Variants in MYO1G observed in about 807,000 individuals in gnomAD.
The protein encoded by MYO1G is myosin IG.
A neutral mutation model predicts 115.3 loss-of-function variants in MYO1G; 65 were observed. That is an observed-to-expected ratio of 0.56 (90% CI 0.46 to 0.69). The LOEUF (loss-of-function observed/expected upper bound fraction) is 0.69. Among genes scored for constraint, MYO1G ranks in the 30% least tolerant of loss-of-function variants. The pLI is 0.00. For synonymous variants in MYO1G, 510 were observed against 552.6 expected (o/e 0.92, Z 1.08); for missense variants, 1,204 against 1,393.5 (o/e 0.86, Z 2.16).
chr7:44,975,403 G>A (rs1454484310), intron 4 of MYO1G, 81 bp downstream of exon 4: 18 of 1,553,384 alleles, frequency 1.2e-5, no homozygotes, highest in African/African-American at 6.8e-5. Context: ...AAGCTGCACC[G>A]TCGGGATGGG....
chr7:44,978,393 C>T (rs1795119619), intron 1 of MYO1G, among the ~76,000 whole-genome samples: 2 of 152,308 alleles, frequency 1.3e-5, no homozygotes, highest in South Asian at 2.1e-4. Flanking sequence ...TGGAGCCTGA[C>T]TGCTTCATCT....
At position 44,966,822 on chromosome 7, in the gene MYO1G, C is replaced by G. The variant is rs774674442; in HGVS notation, c.1799G>C (p.Arg600Pro). The G allele has an allele frequency of 6.2e-7, 1 of 1,609,532 alleles. No homozygotes were observed. Among genetic ancestry groups the G allele is most frequent in the Non-Finnish European group, 8.5e-7 (1 of 1,177,386 alleles). Reference protein sequence around the residue: ...NLASKEPFYVRCIKPNEDKVA... With the variant: ...NLASKEPFYVPCIKPNEDKVA... ...CTTGTCCTCATTGGGCTTGATGCAG[C>G]GGACGTAGAAGGGCTCCTGCAGGGA... The change falls in exon 15 of 22, where the codon CGC (arginine) becomes CCC (proline). Residue 600 changes from arginine (R) to proline (P), a missense_variant. Physicochemically the swap from Arg to Pro is moderately radical, Grantham distance 103. Transcript: ENST00000258787. The surrounding 1 kb of genome is among the most constrained non-coding windows in gnomAD (Gnocchi z 5.0).
rs1362598257 is a variant in MYO1G, at chr7:44,964,227, G to C, written c.2632-65C>G. 2 of 1,445,868 alleles carry C rather than the reference G, an allele frequency of 1.4e-6. No homozygotes were observed. Among genetic ancestry groups the C allele is most frequent in the Non-Finnish European group, 1.9e-6 (2 of 1,049,060 alleles). 89.6% of individuals were successfully genotyped at this position (1,445,868 alleles called of 1,614,324 possible). ...GTCACCCACCAGGGCCCCAGGCTTC[G>C]GCAGTCCCTACTGCCTCCCCTCCCC... On this transcript the variant is annotated intron_variant, in intron 19 of 21. Coordinates refer to ENST00000258787, the MANE Select transcript of MYO1G (RefSeq NM_033054.3). This position sits in a 1 kb window ranked among gnomAD's most constrained non-coding sequence, Gnocchi z 5.1.
At position 44,975,489 on chromosome 7, in the gene MYO1G, C is replaced by A; in HGVS notation, c.559G>T (p.Glu187Ter). Residue 187 changes from glutamate (E) to a stop codon, truncating the protein, a stop_gained, in exon 4 of 22, where the codon GAG becomes TAG. Coordinates refer to ENST00000258787, the MANE Select transcript of MYO1G (RefSeq NM_033054.3). LOFTEE classifies it high-confidence loss of function. ...IGGHIHSYLL[E>*]KSRVLKQHVG... Reference sequence around the variant, plus strand: ...TCCTCAGCCCACCTGCCCACCTTCTCCAGTAGGTAGCTGTGGATGTGTCCT... The same window carrying A: ...TCCTCAGCCCACCTGCCCACCTTCTACAGTAGGTAGCTGTGGATGTGTCCT... 1 of 1,608,270 alleles carries A rather than the reference C, an allele frequency of 6.2e-7. No homozygotes were observed. The highest frequency in any genetic ancestry group is 8.5e-7 in the Non-Finnish European group (1 of 1,176,162).
rs772412191 is a variant in MYO1G, at chr7:44,976,909, G to A, written c.258C>T (p.Tyr86=). The part of the protein sequence containing the change: ...PHLYAVANAA[Y]KAMKHRSRDT... ...CCCTGGACCGGTGCTTCATTGCCTT[G>A]TAGGCGGCGTTGGCCACAGCATAGA... Residue 86 remains tyrosine, a synonymous_variant, in exon 2 of 22, where the codon TAC becomes TAT. Coordinates refer to ENST00000258787, the MANE Select transcript of MYO1G (RefSeq NM_033054.3). 1.9e-5 allele frequency: 31 copies of A among 1,613,448 alleles called. No individual in the cohort carries two copies. The highest frequency in any genetic ancestry group is 2.5e-6 in the Non-Finnish European group (3 of 1,180,046).
chr7:44,971,646 C>T (rs1337717086), intron 7 of MYO1G, 27 bp downstream of exon 7: 1 of 1,513,292 alleles, frequency 6.6e-7, no homozygotes, highest in Non-Finnish European at 9.0e-7. Context: ...GGGAAGTAGC[C>T]CTCCCAGGCT....
chr7:44,962,754 G>C lies in MYO1G; in HGVS notation c.3042C>G (p.Leu1014=), dbSNP rs752086664. The C allele has an allele frequency of 2.7e-6, 4 of 1,477,126 alleles. No homozygotes were observed. The highest frequency in any genetic ancestry group is 4.7e-5 in the Admixed American group (2 of 42,978). The allele number at this position is 1,477,126 out of a possible 1,614,324, so 91.5% of individuals were successfully genotyped here. Residue 1014 remains leucine (L), a synonymous_variant, in exon 22 of 22, where the codon CTC becomes CTG. Transcript: ENST00000258787. The surrounding 1 kb of genome is among the most constrained non-coding windows in gnomAD (Gnocchi z 5.3). ...FRCARGSFTL[L]WPSR ...GTGCGGGCGCTCAGCGGCTGGGCCAGAGCAGGGTGAAGGAGCCGCGAGCGC... is the reference window on the plus strand; with the variant it reads ...GTGCGGGCGCTCAGCGGCTGGGCCACAGCAGGGTGAAGGAGCCGCGAGCGC...
intron 3 of MYO1G, 55 bp from the exon 4 acceptor site, chr7:44,975,704 C>A: frequency 6.7e-7 from 1 of 1,493,314 alleles, no homozygotes; most frequent in Non-Finnish European, 9.0e-7. Flanking sequence ...CTGGGGAATG[C>A]TGTCTCTGCC....
rs2128700740 is a variant in MYO1G at position 44,963,224 on chromosome 7, G to GCACC, written c.2746-104_2746-101dup. On this transcript the variant is annotated intron_variant, in intron 20 of 21. Coordinates refer to ENST00000258787, the MANE Select transcript of MYO1G (RefSeq NM_033054.3). The surrounding 1 kb of genome is among the most constrained non-coding windows in gnomAD (Gnocchi z 4.1). ...GGAAGCCTCTGCCGAACCCCCAACC[G>GCACC]CACCCGGGGAGCGCCGCCCTCGCCA... The GCACC allele has an allele frequency of 6.0e-6, 8 of 1,340,026 alleles. No homozygotes were observed. The South Asian group carries it at 1.2e-4, about 19-fold the overall frequency. The allele number at this position is 1,340,026 out of a possible 1,614,324, so 83.0% of individuals were successfully genotyped here. A position where few individuals can be genotyped will look rare whatever the true frequency, so the allele number is the denominator to read the frequency against.
Position 44,972,242 on chromosome 7 carries a change from T to C in MYO1G, c.619-17A>G, listed in dbSNP as rs1382644300. Reference sequence around the variant, plus strand: ...TCTCAGCAACTAGAGGACACAGGCATCCTTTAGACAAATAAGCTCCCAGGA... The same window carrying C: ...TCTCAGCAACTAGAGGACACAGGCACCCTTTAGACAAATAAGCTCCCAGGA... On this transcript the variant is annotated splice_polypyrimidine_tract_variant and intron_variant, in intron 5 of 21. Transcript: ENST00000258787. 1.3e-6 allele frequency: 2 copies of C among 1,593,822 alleles called. No individual in the cohort carries two copies. The highest frequency in any genetic ancestry group is 3.3e-5 in the Admixed American group (2 of 60,014).
In MYO1G at chr7:44,964,925, T is replaced by C; in HGVS notation, c.2526+20A>G. 3 of 1,586,090 alleles carry C rather than the reference T, an allele frequency of 1.9e-6. No homozygotes were observed. The highest frequency in any genetic ancestry group is 2.6e-6 in the Non-Finnish European group (3 of 1,159,502). ...GCAGCCCACTTCCCCCTGGCAGCCC[T>C]GGACTCGCCTGGCACTTACAGAGGA... On this transcript the variant is annotated intron_variant, in intron 18 of 21. Transcript: ENST00000258787. This position sits in a 1 kb window ranked among gnomAD's most constrained non-coding sequence, Gnocchi z 5.1.
chr7:44,965,975 CAG>C, intron 16 of MYO1G, 96 bp downstream of exon 16: 3 of 1,548,048 alleles, frequency 1.9e-6, no homozygotes, highest in Admixed American at 1.7e-5. Flanking sequence ...CTCCATCAAG[CAG>C]AGACTCCTGT....
Position 44,964,351 on chromosome 7 carries a change from T to C in MYO1G, c.2631+64A>G. On this transcript the variant is annotated intron_variant, in intron 19 of 21. Transcript: ENST00000258787. The surrounding 1 kb of genome is among the most constrained non-coding windows in gnomAD (Gnocchi z 5.1). ...CCCCCCAAAACTCTGCACCAGCTTC[T>C]AACCTTGCAGACGTGGCTAGAAAAA... 1 of 1,516,648 alleles carries C rather than the reference T, an allele frequency of 6.6e-7. No homozygotes were observed. Among genetic ancestry groups the C allele is most frequent in the African/African-American group, 1.4e-5 (1 of 72,966 alleles). 93.9% of individuals were successfully genotyped at this position (1,516,648 alleles called of 1,614,324 possible).
Position 44,963,864 on chromosome 7 carries a change from C to A in MYO1G, c.2745+185G>T. Reference sequence around the variant, plus strand: ...GGCTGGTGGGGATCACAGGATGGGACCTTTCACTCTGTGGGCGTGGGAAGC... The same window carrying A: ...GGCTGGTGGGGATCACAGGATGGGAACTTTCACTCTGTGGGCGTGGGAAGC... On this transcript the variant is annotated intron_variant, in intron 20 of 21. Coordinates refer to ENST00000258787, the MANE Select transcript of MYO1G (RefSeq NM_033054.3). This position sits in a 1 kb window ranked among gnomAD's most constrained non-coding sequence, Gnocchi z 4.1. The A allele has an allele frequency of 1.7e-6, 1 of 601,316 alleles. No individual in the cohort carries two copies. Among genetic ancestry groups the A allele is most frequent in the Non-Finnish European group, 3.0e-6 (1 of 332,758 alleles). The allele number at this position is 601,316 out of a possible 1,614,324, so 37.2% of individuals were successfully genotyped here.
In MYO1G at chr7:44,967,666, A is replaced by G; in HGVS notation, c.1721T>C (p.Leu574Pro). 6.2e-7 allele frequency: 1 copy of G among 1,613,802 alleles called. No homozygotes were observed. Among genetic ancestry groups the G allele is most frequent in the East Asian group, 2.2e-5 (1 of 44,884 alleles). Residue 574 changes from leucine (L) to proline (P), a missense_variant, in exon 14 of 22, where the codon CTG becomes CCG. By Grantham distance (98) the Leu-to-Pro change is moderately conservative (BLOSUM62 -3). Transcript: ENST00000258787. ...GTTCTTGAAGAGTGTGCCAGCCGTC[A>G]GGGGGCGCTTGGTCACCTCTGTGAT... ...QDITEVTKRP[L>P]TAGTLFKNSM...
Position 44,970,907 on chromosome 7 carries a change from C to A in MYO1G, c.999G>T (p.Ser333=), listed in dbSNP as rs547276666. The part of the protein sequence containing the change: ...LRSLLARTVA[S]GGRELIEKGH... Reference sequence around the variant, plus strand: ...CCTTCTCTATGAGTTCCCTGCCTCCCGAGGCAACTGTGCGAGCCAGCAGGG... The same window carrying A: ...CCTTCTCTATGAGTTCCCTGCCTCCAGAGGCAACTGTGCGAGCCAGCAGGG... The change falls in exon 8 of 22, where the codon TCG becomes TCT. Residue 333 remains serine (S), a synonymous_variant. Coordinates refer to ENST00000258787, the MANE Select transcript of MYO1G (RefSeq NM_033054.3). The A allele has an allele frequency of 6.2e-7, 1 of 1,613,384 alleles. No homozygotes were observed. The highest frequency in any genetic ancestry group is 2.2e-5 in the East Asian group (1 of 44,886).
chr7:44,962,836 A>G lies in MYO1G; in HGVS notation c.2960T>C (p.Val987Ala). 26 of 1,514,124 alleles carry G rather than the reference A, an allele frequency of 1.7e-5. No individual in the cohort carries two copies. The highest frequency in any genetic ancestry group is 2.3e-5 in the Non-Finnish European group (26 of 1,135,708). The allele number at this position is 1,514,124 out of a possible 1,614,324, so 93.8% of individuals were successfully genotyped here. A position where few individuals can be genotyped will look rare whatever the true frequency, so the allele number is the denominator to read the frequency against. Residue 987 changes from valine (V) to alanine (A), a missense_variant, in exon 22 of 22, where the codon GTC becomes GCC. Val to Ala is a moderately conservative substitution (Grantham distance 64). Transcript: ENST00000258787. The surrounding 1 kb of genome is among the most constrained non-coding windows in gnomAD (Gnocchi z 5.3). ...SDCIPLSHRG[V>A]RRLISVEPRP... ...GGGCTCCACGGAGATGAGGCGCCGG[A>G]CCCCGCGATGGCTTAGTGGGATGCA... is the stretch of plus-strand genomic sequence containing the variant.
At chr7:44,967,089 G>A (rs1583786808) in intron 14 of MYO1G, among the ~76,000 whole-genome samples, 1 of 152,188 alleles carries the variant, frequency 6.6e-6, no homozygotes. Flanking sequence ...GCAGGAGCAG[G>A]CCTCGCCCCA....
chr7:44,976,325 G>C (rs1396405106), intron 3 of MYO1G, among the ~76,000 whole-genome samples: 1 of 152,196 alleles, frequency 6.6e-6, no homozygotes, highest in African/African-American at 2.4e-5. Flanking sequence ...CCTCCTCCCA[G>C]CTGGTAGGCC....
Sources: allele counts gnomAD v4.1 joint callset (sites outside exome capture counted in the v4.1 genomes callset), GRCh38; gene constraint gnomAD v4.1.1; non-coding constraint Gnocchi (gnomAD v3.1); transcripts MANE v1.5; gene names NCBI Gene and HGNC (gene_info 2026-07-23, HGNC 2026-07-21).